The following MPND variants were observed in gnomAD, a reference collection of about 807,000 sequenced individuals.
MPND encodes the protein MPN domain containing, also known as MPN domain-containing protein.
MPND carries 56 observed loss-of-function variants against 59.2 expected under a neutral mutation model. That is an observed-to-expected ratio of 0.95 (90% CI 0.76 to 1.18). The LOEUF is 1.18. Ranked by LOEUF, MPND falls within the 50% of genes most tolerant of loss-of-function variation. MPND has a pLI of 0.00. For missense variants in MPND, 671 were observed against 676.0 expected, an observed-to-expected ratio of 0.99 and a Z score of 0.08; for synonymous variants, 323 against 291.9, an observed-to-expected ratio of 1.11 and a Z score of -1.09.
At position 4,357,452 on chromosome 19, in the gene MPND, G is replaced by A. The variant is rs768027763; in HGVS notation, c.1165+31G>A. 4.3e-6 allele frequency: 7 copies of A among 1,609,868 alleles called. No homozygotes were observed. The East Asian group carries it at 6.7e-5, about 15-fold the overall frequency. On this transcript the variant is annotated intron_variant, in intron 9 of 12. Transcript: ENST00000599840. ...CGGGATGGGGCTGTGGGGGGAGCAA[G>A]GAGGGGGGATGCTGGGCCAGCCGAG...
intron 2 of MPND, 48 bp from the exon 3 acceptor site, chr19:4,345,697 G>A (rs767115741): frequency 3.8e-6 from 6 of 1,568,650 alleles, no homozygotes; most frequent in Admixed American, 1.7e-5. Flanking sequence ...GGGAGAGAGG[G>A]CATGGTGGGT....
intron 3 of MPND, chr19:4,347,913 A>G (rs1015615837): frequency 2.2e-4 from 36 of 165,436 alleles, no homozygotes; most frequent in Non-Finnish European, 3.4e-4. Context: ...TTTTTTTGAG[A>G]CAGACTCTCG....
chr19:4,350,385 G>T (rs1227049139), intron 3 of MPND, among the ~76,000 whole-genome samples: 2 of 152,054 alleles, frequency 1.3e-5, no homozygotes, highest in Admixed American at 1.3e-4. Context: ...TGCAGGCAGA[G>T]GAAGGACAGG....
At chr19:4,355,384 A>G (rs1426074100) in intron 8 of MPND, among the ~76,000 whole-genome samples, 13 of 137,612 alleles carry the variant, frequency 9.4e-5, no homozygotes, top group East Asian at 2.2e-4. Context: ...CACCCAGGCT[A>G]GAGTGCAGTG....
intron 4 of MPND, 87 bp downstream of exon 4, chr19:4,353,116 TCTC>T (rs2144829444): frequency 9.2e-7 from 1 of 1,092,142 alleles, no homozygotes; most frequent in African/African-American, 1.6e-5. Context: ...GCCTTGATCT[TCTC>T]CTAGGGCCCC....
In MPND at chr19:4,359,330, C is replaced by T. The variant is rs187064868; in HGVS notation, c.1419+75C>T. The stretch of plus-strand genomic sequence containing the variant: ...CCCTGGGCAGCCTAAAAGGTGGCAG[C>T]AATGAGCCCCGTGGGCCTCAGGGGC... On this transcript the variant is annotated intron_variant, in intron 12 of 12. Coordinates refer to ENST00000599840, the MANE Select transcript of MPND (RefSeq NM_001300862.2). 234 of 1,127,456 alleles carry T rather than the reference C, an allele frequency of 2.1e-4. No individual in the cohort carries two copies. In the African/African-American group the frequency reaches 3.1e-3, roughly 15 times the overall value. The allele number at this position is 1,127,456 out of a possible 1,614,324, so 69.8% of individuals were successfully genotyped here. A position where few individuals can be genotyped will look rare whatever the true frequency, so the allele number is the denominator to read the frequency against.
chr19:4,359,215 A>G lies in MPND; in HGVS notation c.1379A>G (p.Glu460Gly), dbSNP rs765892948. Reference protein sequence around the residue: ...KGSPDLVRLQEPWSQEHTYLD... With the variant: ...KGSPDLVRLQGPWSQEHTYLD... Reference sequence around the variant, plus strand: ...TCCCCTGACCTCGTGAGGCTCCAGGAACCCTGGAGCCAGGAGCACACCTAC... The same window carrying G: ...TCCCCTGACCTCGTGAGGCTCCAGGGACCCTGGAGCCAGGAGCACACCTAC... The change falls in exon 12 of 13, where the codon GAA becomes GGA. Residue 460 changes from glutamate (E) to glycine (G), a missense_variant. By Grantham distance (98) the Glu-to-Gly change is moderately conservative (BLOSUM62 -2). Transcript: ENST00000599840. The G allele has an allele frequency of 4.6e-5, 74 of 1,612,920 alleles. No individual in the cohort carries two copies. Among genetic ancestry groups the G allele is most frequent in the South Asian group, 3.3e-5 (3 of 91,060 alleles).
chr19:4,351,838 G>A (rs892556045), intron 3 of MPND, among the ~76,000 whole-genome samples: 76 of 136,604 alleles, frequency 5.6e-4, no homozygotes, highest in East Asian at 1.5e-3. Flanking sequence ...CTCCAGCCTC[G>A]GCGACAGAGT....
chr19:4,357,190 C>T (rs1032905062), intron 8 of MPND, 63 bp from the exon 9 acceptor site: 8 of 1,499,364 alleles, frequency 5.3e-6, no homozygotes, highest in Middle Eastern at 2.4e-4. Flanking sequence ...GGCTGGCCAG[C>T]CACATAAGCT....
chr19:4,355,385 G>C (rs1303631141), intron 8 of MPND, among the ~76,000 whole-genome samples: 3 of 145,894 alleles, frequency 2.1e-5, no homozygotes, highest in African/African-American at 7.7e-5. Context: ...ACCCAGGCTA[G>C]AGTGCAGTGG....
At chr19:4,359,282 C>T in intron 12 of MPND, 27 bp downstream of exon 12, 1 of 1,585,668 alleles carries the variant, frequency 6.3e-7, no homozygotes, top group Non-Finnish European at 8.6e-7. Context: ...CGCAGACCTC[C>T]TAACGGGGCC....
intron 4 of MPND, chr19:4,353,844 T>C (rs7246177): frequency 0.58 from 288,696 of 498,302 alleles, 85,438 homozygotes; most frequent in East Asian, 0.74. Flanking sequence ...ATTTCTTCTT[T>C]GTAAATAAGA....
chr19:4,354,294 G>A (rs1972384502), intron 5 of MPND, 30 bp from the exon 6 acceptor site: 1 of 1,544,436 alleles, frequency 6.5e-7, no homozygotes, highest in Non-Finnish European at 8.8e-7. Context: ...GGGGATTCCT[G>A]AGACTGTGCG....
chr19:4,358,166 C>A lies in MPND; in HGVS notation c.1320C>A (p.His440Gln), dbSNP rs375270571. The A allele has an allele frequency of 6.4e-7, 1 of 1,551,218 alleles. No individual in the cohort carries two copies. The highest frequency in any genetic ancestry group is 1.2e-5 in the South Asian group (1 of 84,054). The change falls in exon 11 of 13, where the codon CAC becomes CAA. Residue 440 changes from histidine (H) to glutamine (Q), a missense_variant. Transcript: ENST00000599840. ...GCTTCCTGACCAATGACATCCTTCA[C>A]GAGATGGTGAGCTCGCTGCGGGGCG... ...QDSFLTNDIL[H>Q]EMMLLVEFYK...
chr19:4,350,762 C>G (rs1972298995), intron 3 of MPND, among the ~76,000 whole-genome samples: 1 of 152,072 alleles, frequency 6.6e-6, no homozygotes, highest in Admixed American at 6.6e-5. Context: ...CAGCTGGGCC[C>G]TGAGTCTGGA....
At position 4,345,920 on chromosome 19, in the gene MPND, A is replaced by C. The variant is rs746629862; in HGVS notation, c.470A>C (p.Lys157Thr). Residue 157 changes from lysine to threonine, a missense_variant, in exon 3 of 13, where the codon AAG becomes ACG. Lys to Thr is a moderately conservative substitution (Grantham distance 78, BLOSUM62 -1). Transcript: ENST00000599840. The stretch of plus-strand genomic sequence containing the variant: ...AAGTACAAAGGCCAGAAACTGGACA[A>C]GTACAAGGCCACCTGGCTCCGGCTG... The part of the protein sequence containing the change: ...SVKYKGQKLD[K>T]YKATWLRLHQ... 9.3e-6 allele frequency: 15 copies of C among 1,613,680 alleles called. No homozygotes were observed. Among genetic ancestry groups the C allele is most frequent in the Non-Finnish European group, 1.2e-5 (14 of 1,180,046 alleles).
rs1198775425 is a variant in MPND at position 4,354,376 on chromosome 19, C to T, written c.802C>T (p.Gln268Ter). ...VTSFAAINKF[Q>*]PFNVAVSSNV... Reference sequence around the variant, plus strand: ...ATCCTTTGCAGCCATCAACAAGTTCCAGCCGTTCAACGTGGCTGTTTCTAG... The same window carrying T: ...ATCCTTTGCAGCCATCAACAAGTTCTAGCCGTTCAACGTGGCTGTTTCTAG... Residue 268 changes from glutamine (Q) to a stop codon, truncating the protein, a stop_gained, in exon 6 of 13, where the codon CAG becomes TAG. Coordinates refer to ENST00000599840, the MANE Select transcript of MPND (RefSeq NM_001300862.2). LOFTEE classifies it high-confidence loss of function. 6.4e-7 allele frequency: 1 copy of T among 1,562,590 alleles called. No homozygotes were observed. The highest frequency in any genetic ancestry group is 1.4e-5 in the African/African-American group (1 of 73,870).
At chr19:4,354,542 G>A in intron 6 of MPND, 122 bp downstream of exon 6, 1 of 793,720 alleles carries the variant, frequency 1.3e-6, no homozygotes, top group Non-Finnish European at 2.1e-6. Context: ...GTTTGCTACT[G>A]GTACACTGTG....
Position 4,343,779 on chromosome 19 carries a change from GC to G in MPND, c.81del (p.Glu28ArgfsTer108). 1 of 1,209,282 alleles carries G rather than the reference GC, an allele frequency of 8.3e-7. No homozygotes were observed. Among genetic ancestry groups the G allele is most frequent in the Non-Finnish European group, 1.0e-6 (1 of 972,840 alleles). 74.9% of individuals were successfully genotyped at this position (1,209,282 alleles called of 1,614,324 possible). Reference protein sequence around the residue: ...APEEDEDEAEAEDPERPNAGA... With the variant: ...APEEDEDEAEXEDPERPNAGA... ...GGAGGAGGACGAGGACGAAGCGGAGGCCGAGGACCCTGAGCGGCCGAATGCG... is the reference window on the plus strand; with the variant it reads ...GGAGGAGGACGAGGACGAAGCGGAGGCGAGGACCCTGAGCGGCCGAATGCG... On this transcript the variant is annotated frameshift_variant, in exon 2 of 13. Transcript: ENST00000599840. LOFTEE classifies it high-confidence loss of function.
Sources: gnomAD v4.1 joint callset for allele counts (sites outside exome capture counted in the v4.1 genomes callset) on GRCh38, gnomAD v4.1.1 for gene constraint, MANE v1.5 for transcripts, NCBI Gene and HGNC (gene_info 2026-07-23, HGNC 2026-07-21) for gene names.